The following TIGAR variants were observed in gnomAD, a reference collection of about 807,000 sequenced individuals.
The protein encoded by TIGAR is TP53 induced glycolysis regulatory phosphatase.
TIGAR carries 7 observed loss-of-function variants against 17.9 expected under a neutral mutation model. The observed-to-expected ratio is 0.39, with a 90% CI of 0.22 to 0.73. The LOEUF (loss-of-function observed/expected upper bound fraction) is 0.73, where lower values mean the gene tolerates loss of function less well. Ranked by LOEUF, TIGAR falls within the 30% of genes least tolerant of loss-of-function variation. TIGAR has a pLI of 0.42. For synonymous variants in TIGAR, 94 were observed against 108.6 expected (o/e 0.87, Z 0.84); for missense variants, 258 against 327.4 (o/e 0.79, Z 1.64).
intron 3 of TIGAR, among the ~76,000 whole-genome samples, chr12:4,346,766 A>AT (rs1215294588): frequency 6.6e-6 from 1 of 151,650 alleles, no homozygotes; most frequent in Non-Finnish European, 1.5e-5. Flanking sequence ...AAAAATATAT[A>AT]TTAAAAAAAA....
At chr12:4,325,742 A>C (rs1864539261) in intron 1 of TIGAR, among the ~76,000 whole-genome samples, 1 of 33,256 alleles carries the variant, frequency 3.0e-5, no homozygotes, top group Non-Finnish European at 6.2e-5. Context: ...AACTCGTCTC[A>C]AAAAAAAAAA....
chr12:4,342,871 A>G (rs1864739203), intron 3 of TIGAR, among the ~76,000 whole-genome samples: 1 of 152,232 alleles, frequency 6.6e-6, no homozygotes, highest in South Asian at 2.1e-4. Context: ...GACAGGATCA[A>G]ATTCACACAT....
At chr12:4,346,439 G>A (rs1294330200) in intron 3 of TIGAR, among the ~76,000 whole-genome samples, 2 of 152,216 alleles carry the variant, frequency 1.3e-5, no homozygotes, top group Non-Finnish European at 2.9e-5. Flanking sequence ...AAAAGGATGA[G>A]TTCATGTCCT....
At chr12:4,346,691 A>G (rs539440533) in intron 3 of TIGAR, among the ~76,000 whole-genome samples, 1 of 152,274 alleles carries the variant, frequency 6.6e-6, no homozygotes, top group Non-Finnish European at 1.5e-5. Flanking sequence ...CCAACATGGC[A>G]CATGTATACA....
chr12:4,347,911 A>G (rs1864798402), intron 3 of TIGAR, among the ~76,000 whole-genome samples: 1 of 152,106 alleles, frequency 6.6e-6, no homozygotes, highest in African/African-American at 2.4e-5. Context: ...CGAAGCGGGA[A>G]GATCACTTGA....
rs1411139984 is a variant in TIGAR at position 4,353,057 on chromosome 12, A to G, written c.*366A>G. On this transcript the variant is annotated 3_prime_UTR_variant, in exon 6 of 6. Coordinates refer to ENST00000179259, the MANE Select transcript of TIGAR (RefSeq NM_020375.3). ...TGGTAAGATACTGTATGTTTTTAGTATCTCATCCAGTGCTTAGAAGAAAGA... is the reference window on the plus strand; with the variant it reads ...TGGTAAGATACTGTATGTTTTTAGTGTCTCATCCAGTGCTTAGAAGAAAGA... The G allele has an allele frequency of 1.1e-5, 2 of 189,320 alleles. No individual in the cohort carries two copies. Among genetic ancestry groups the G allele is most frequent in the African/African-American group, 2.3e-5 (1 of 42,720 alleles). 11.7% of individuals were successfully genotyped at this position (189,320 alleles called of 1,614,324 possible).
chr12:4,327,886 T>G (rs1288443981), intron 1 of TIGAR, among the ~76,000 whole-genome samples: 1 of 152,116 alleles, frequency 6.6e-6, no homozygotes, highest in African/African-American at 2.4e-5. Context: ...CAGGCTGGTC[T>G]CAAACTCCTG....
intron 3 of TIGAR, among the ~76,000 whole-genome samples, chr12:4,341,063 T>C (rs1864714144): frequency 6.6e-6 from 1 of 152,022 alleles, no homozygotes; most frequent in African/African-American, 2.4e-5. Context: ...TTTAAAAGCT[T>C]TGGTGCAGCA....
intron 2 of TIGAR, among the ~76,000 whole-genome samples, chr12:4,335,332 C>T (rs749137627): frequency 3.9e-5 from 6 of 151,912 alleles, no homozygotes; most frequent in East Asian, 1.9e-4. Context: ...CCACCATGCC[C>T]GGCCATTTTT....
chr12:4,328,701 C>T (rs991662209), intron 1 of TIGAR, among the ~76,000 whole-genome samples: 2 of 151,792 alleles, frequency 1.3e-5, no homozygotes, highest in South Asian at 2.1e-4. Flanking sequence ...CTCAGCCTCC[C>T]GAGTAGCTGG....
chr12:4,348,993 G>C (rs1459940994), intron 3 of TIGAR, among the ~76,000 whole-genome samples: 4 of 152,112 alleles, frequency 2.6e-5, no homozygotes, highest in Non-Finnish European at 5.9e-5. Flanking sequence ...CTGTAAAAAA[G>C]AGCCAAATGC....
rs1864887174 is a variant in TIGAR at position 4,355,273 on chromosome 12, C to G, written c.*2582C>G. 6.6e-6 allele frequency among the ~76,000 whole-genome samples: 1 copy of G among 151,950 alleles called. No homozygotes were observed. On this transcript the variant is annotated 3_prime_UTR_variant, in exon 6 of 6. Transcript: ENST00000179259. ...CATGTGGTTGAAACAGTTATCCCAA[C>G]ACCATTGTAAAGGCTGTTCTTTCCC...
At chr12:4,351,056 G>A (rs1864832898) in intron 4 of TIGAR, among the ~76,000 whole-genome samples, 1 of 152,164 alleles carries the variant, frequency 6.6e-6, no homozygotes, top group Non-Finnish European at 1.5e-5. Context: ...TTTGGACATA[G>A]TGTACAACTT....
At chr12:4,342,842 A>T (rs1435229511) in intron 3 of TIGAR, among the ~76,000 whole-genome samples, 1 of 152,182 alleles carries the variant, frequency 6.6e-6, no homozygotes, top group African/African-American at 2.4e-5. Flanking sequence ...TGAGCAAAAT[A>T]AGCAGCTAAC....
In TIGAR at chr12:4,358,330, A is replaced by G. The variant is rs796850208; in HGVS notation, c.*5639A>G. Among the ~76,000 whole-genome samples, 3 of 151,896 alleles carry G rather than the reference A, an allele frequency of 2.0e-5. No homozygotes were observed. The highest frequency in any genetic ancestry group is 7.2e-5 in the African/African-American group (3 of 41,474). On this transcript the variant is annotated 3_prime_UTR_variant, in exon 6 of 6. Transcript: ENST00000179259. ...AAAAGAAAAATCACTGAGCTACTGT[A>G]TCCTCATAGAGAATAATTACAGTAA...
At chr12:4,348,384 T>C (rs187187848) in intron 3 of TIGAR, among the ~76,000 whole-genome samples, 8 of 152,218 alleles carry the variant, frequency 5.3e-5, no homozygotes, top group Admixed American at 1.3e-4. Flanking sequence ...TATAGCAAAA[T>C]TGCAAGACTC....
At chr12:4,322,186 A>G (rs1355059776) in intron 1 of TIGAR, among the ~76,000 whole-genome samples, 2 of 152,070 alleles carry the variant, frequency 1.3e-5, no homozygotes, top group Admixed American at 1.3e-4. Flanking sequence ...TAGTAGAGAC[A>G]GGGTTTCGCC....
At position 4,358,076 on chromosome 12, in the gene TIGAR, C is replaced by T. The variant is rs548347572; in HGVS notation, c.*5385C>T. On this transcript the variant is annotated 3_prime_UTR_variant, in exon 6 of 6. Transcript: ENST00000179259. Reference sequence around the variant, plus strand: ...CCAAGGTCGCGCCACTGCACTGCAGCCTGGGTGACAGAGCAAGACTGGGTC... The same window carrying T: ...CCAAGGTCGCGCCACTGCACTGCAGTCTGGGTGACAGAGCAAGACTGGGTC... Among the ~76,000 whole-genome samples, 1 of 143,438 alleles carries T rather than the reference C, an allele frequency of 7.0e-6. No individual in the cohort carries two copies. Among genetic ancestry groups the T allele is most frequent in the South Asian group, 2.2e-4 (1 of 4,446 alleles). 94.1% of individuals were successfully genotyped at this position (143,438 alleles called of 152,430 possible).
intron 2 of TIGAR, among the ~76,000 whole-genome samples, chr12:4,334,379 AC>A (rs1190572225): frequency 1.3e-5 from 2 of 152,148 alleles, no homozygotes; most frequent in East Asian, 3.8e-4. Flanking sequence ...TGAGGGCTCC[AC>A]CCTAGGATCT....
Sources: allele counts gnomAD v4.1 joint callset (sites outside exome capture counted in the v4.1 genomes callset), GRCh38; gene constraint gnomAD v4.1.1; transcripts MANE v1.5; gene names NCBI Gene and HGNC (gene_info 2026-07-23, HGNC 2026-07-21).